Variants in MYOM1 observed in about 807,000 individuals in gnomAD.
MYOM1 encodes the protein myomesin 1.
In MYOM1, 164 loss-of-function variants were observed where a neutral mutation model predicts 205.3. The observed-to-expected ratio is 0.80, with a 90% confidence interval of 0.70 to 0.91. The LOEUF is 0.91. Ranked by LOEUF, MYOM1 falls within the 40% of genes least tolerant of loss-of-function variation. MYOM1 has a pLI of 0.00. For missense variants in MYOM1, 2,011 were observed against 2,127.3 expected (o/e 0.95, Z 1.08); for synonymous variants, 772 against 789.4 (o/e 0.98, Z 0.37).
Position 3,151,867 on chromosome 18 carries a change from G to T in MYOM1, c.1670C>A (p.Ser557Ter). ...CTTCACAGGTGTGTCATTGCACTGC[G>T]ACCAGCTATCTGTGCCCACCTCACA... ...DKCEVGTDSW[S>*]QCNDTPVKFA... Residue 557 changes from serine (S) to a stop codon, truncating the protein, a stop_gained, in exon 12 of 38, where the codon TCG (serine) becomes TAG (stop). Coordinates refer to ENST00000356443, the MANE Select transcript of MYOM1 (RefSeq NM_003803.4). LOFTEE classifies it high-confidence loss of function. 2 of 1,612,820 alleles carry T rather than the reference G, an allele frequency of 1.2e-6. No homozygotes were observed. The highest frequency in any genetic ancestry group is 2.2e-5 in the South Asian group (2 of 90,926).
intron 37 of MYOM1, 145 bp downstream of exon 37, chr18:3,071,689 G>T: frequency 2.6e-6 from 2 of 778,270 alleles, no homozygotes; most frequent in Non-Finnish European, 4.2e-6. Context: ...CTTGTGTTTG[G>T]TTACTCTGGT....
At chr18:3,109,925 T>C (rs2079501859) in intron 22 of MYOM1, among the ~76,000 whole-genome samples, 1 of 152,262 alleles carries the variant, frequency 6.6e-6, no homozygotes, top group Admixed American at 6.5e-5. Flanking sequence ...ATTCCAATGA[T>C]CCCTCCAAGG....
At chr18:3,201,411 A>G (rs1464918350) in intron 2 of MYOM1, among the ~76,000 whole-genome samples, 1 of 152,082 alleles carries the variant, frequency 6.6e-6, no homozygotes, top group Non-Finnish European at 1.5e-5. Flanking sequence ...AAAAAAAAAA[A>G]GAAAAAAAGA....
chr18:3,134,955 ATT>A, intron 15 of MYOM1, 131 bp from the exon 16 acceptor site: 12 of 718,448 alleles, frequency 1.7e-5, no homozygotes, highest in Middle Eastern at 4.0e-4. Flanking sequence ...TTATTTTACG[ATT>A]TTTTTTTTTG....
intron 26 of MYOM1, among the ~76,000 whole-genome samples, chr18:3,092,816 C>T (rs549466021): frequency 6.6e-6 from 1 of 152,158 alleles, no homozygotes; most frequent in African/African-American, 2.4e-5. Context: ...ATCACTTGAA[C>T]GAGAAACTAC....
chr18:3,137,171 G>C (rs35442015), intron 14 of MYOM1, among the ~76,000 whole-genome samples: 1 of 151,582 alleles, frequency 6.6e-6, no homozygotes, highest in Non-Finnish European at 1.5e-5. Context: ...GGATGGTCTC[G>C]ATCTCCTGAC....
chr18:3,222,066 A>G (rs371113376), upstream of MYOM1, among the ~76,000 whole-genome samples: 2 of 152,224 alleles, frequency 1.3e-5, no homozygotes, highest in African/African-American at 4.8e-5. Flanking sequence ...AGTGTTTTAC[A>G]TTAGATGATT....
At chr18:3,204,052 C>G (rs1567967284) in intron 2 of MYOM1, among the ~76,000 whole-genome samples, 1 of 151,894 alleles carries the variant, frequency 6.6e-6, no homozygotes, top group Non-Finnish European at 1.5e-5. Context: ...TGACAAAAGT[C>G]AGCATTCTTA....
intron 14 of MYOM1, among the ~76,000 whole-genome samples, chr18:3,137,524 A>G (rs1023360233): frequency 6.6e-6 from 1 of 152,208 alleles, no homozygotes; most frequent in African/African-American, 2.4e-5. Context: ...TTGCAGCAAT[A>G]TGAATATAAT....
chr18:3,221,690 C>G (rs1567976133), upstream of MYOM1, among the ~76,000 whole-genome samples: 2 of 152,214 alleles, frequency 1.3e-5, no homozygotes, highest in African/African-American at 2.4e-5. Context: ...CGGGTCTTCA[C>G]TTGTAATAGA....
chr18:3,159,922 C>CT (rs1491223144), intron 10 of MYOM1, among the ~76,000 whole-genome samples: 1 of 133,062 alleles, frequency 7.5e-6, no homozygotes, highest in East Asian at 2.2e-4. Flanking sequence ...TCCTTCCTTC[C>CT]TTCCTTCCTT....
Position 3,066,809 on chromosome 18 carries a change from G to A in MYOM1, c.*453C>T, listed in dbSNP as rs1488267442. On this transcript the variant is annotated 3_prime_UTR_variant, in exon 38 of 38. Coordinates refer to ENST00000356443, the MANE Select transcript of MYOM1 (RefSeq NM_003803.4). Reference sequence around the variant, plus strand: ...CAGCAGGAATTTGAGAAACAGTGTCGGGGAAGAGGACAGACGTGAAAACTG... The same window carrying A: ...CAGCAGGAATTTGAGAAACAGTGTCAGGGAAGAGGACAGACGTGAAAACTG... 2 of 156,226 alleles carry A rather than the reference G, an allele frequency of 1.3e-5. No individual in the cohort carries two copies. The highest frequency in any genetic ancestry group is 2.4e-5 in the African/African-American group (1 of 41,482). 9.7% of individuals were successfully genotyped at this position (156,226 alleles called of 1,614,324 possible).
chr18:3,145,528 A>G (rs2080112065), intron 13 of MYOM1, among the ~76,000 whole-genome samples: 1 of 152,172 alleles, frequency 6.6e-6, no homozygotes, highest in Non-Finnish European at 1.5e-5. Context: ...AACATACTCC[A>G]AATAATCCAT....
intron 21 of MYOM1, among the ~76,000 whole-genome samples, chr18:3,115,582 C>T (rs1189697445): frequency 6.6e-6 from 1 of 152,212 alleles, no homozygotes; most frequent in Non-Finnish European, 1.5e-5. Context: ...AGTCACATTT[C>T]ATTCTAAGTA....
intron 13 of MYOM1, among the ~76,000 whole-genome samples, 190 bp from the exon 14 acceptor site, chr18:3,142,253 G>A (rs1478449887): frequency 1.3e-5 from 2 of 152,116 alleles, no homozygotes; most frequent in East Asian, 3.9e-4. Context: ...TTGAGCAGTT[G>A]CTGTTGTTTT....
the MYOM1 span, among the ~76,000 whole-genome samples, chr18:3,228,146 A>G: frequency 6.6e-6 from 1 of 152,130 alleles, no homozygotes; most frequent in Non-Finnish European, 1.5e-5. The surrounding 1 kb of genome is among the most constrained non-coding windows in gnomAD (Gnocchi z 4.5). Flanking sequence ...CCCAATCCCC[A>G]TGTTCCCAAA....
At chr18:3,101,910 C>A (rs2079381121) in intron 23 of MYOM1, among the ~76,000 whole-genome samples, 1 of 151,498 alleles carries the variant, frequency 6.6e-6, no homozygotes, top group East Asian at 1.9e-4. Context: ...GGTCTTGAAC[C>A]CCTAGGCTCA....
chr18:3,100,012 A>C, intron 25 of MYOM1, 147 bp downstream of exon 25: 1 of 773,730 alleles, frequency 1.3e-6, no homozygotes, highest in Non-Finnish European at 2.1e-6. Context: ...ACTTCTAGAA[A>C]GCACATCTGT....
chr18:3,119,977 T>C lies in MYOM1; in HGVS notation c.3010A>G (p.Asn1004Asp), dbSNP rs543434883. 41 of 1,603,806 alleles carry C rather than the reference T, an allele frequency of 2.6e-5. No homozygotes were observed. The East Asian group carries it at 7.8e-4, about 31-fold the overall frequency. The change falls in exon 20 of 38, where the codon AAC becomes GAC. Residue 1004 changes from asparagine (N) to aspartate (D), a missense_variant. Physicochemically the swap from Asn to Asp is conservative, Grantham distance 23. Coordinates refer to ENST00000356443, the MANE Select transcript of MYOM1 (RefSeq NM_003803.4). ...GCCACTTGGAACTGATACACCATGT[T>C]TTCCTTCAAGTTGCTAATCTGCAAC... ...EAYKISNLKE[N>D]MVYQFQVAAM...
Sources: gnomAD v4.1 joint callset for allele counts (sites outside exome capture counted in the v4.1 genomes callset) on GRCh38, gnomAD v4.1.1 for gene constraint, Gnocchi (gnomAD v3.1) non-coding constraint, MANE v1.5 for transcripts, NCBI Gene and HGNC (gene_info 2026-07-23, HGNC 2026-07-21) for gene names.